BICD1: variants seen among roughly 807,000 people sequenced by gnomAD.
The protein encoded by BICD1 is protein bicaudal D homolog 1.
In BICD1, 35 loss-of-function variants were observed where a neutral mutation model predicts 92.5. That is an observed-to-expected ratio of 0.38 (90% CI 0.29 to 0.50). The LOEUF is 0.50. Ranked by LOEUF, BICD1 falls within the 20% of genes least tolerant of loss-of-function variation. The probability of loss-of-function intolerance (pLI) is 0.93; values close to 1 mark genes in which losing one functional copy is unlikely to be tolerated. For synonymous variants in BICD1, 429 were observed against 465.1 expected, an observed-to-expected ratio of 0.92 and a Z score of 1.00; for missense variants, 950 against 1,189.8, an observed-to-expected ratio of 0.80 and a Z score of 2.97.
intron 2 of BICD1, among the ~76,000 whole-genome samples, chr12:32,220,874 G>A (rs1279181323): frequency 7.3e-6 from 1 of 136,662 alleles, no homozygotes; most frequent in Non-Finnish European, 1.6e-5. Context: ...ACTGGATTAA[G>A]AAAATGTGGC....
chr12:32,356,690 T>C (rs983534165), intron 8 of BICD1, among the ~76,000 whole-genome samples: 4 of 152,150 alleles, frequency 2.6e-5, no homozygotes, highest in Admixed American at 6.6e-5. Flanking sequence ...AGAAGCATCA[T>C]TGGCAAATGC....
chr12:32,167,773 A>G (rs1046004581), intron 1 of BICD1, among the ~76,000 whole-genome samples: 1 of 152,138 alleles, frequency 6.6e-6, no homozygotes, highest in Non-Finnish European at 1.5e-5. Context: ...CTTATTTGAC[A>G]GGGATTTCCC....
At chr12:32,225,332 C>T (rs761960872) in intron 2 of BICD1, among the ~76,000 whole-genome samples, 2 of 152,068 alleles carry the variant, frequency 1.3e-5, no homozygotes, top group Non-Finnish European at 2.9e-5. Flanking sequence ...TGTATAGATA[C>T]ATTGTGGTTG....
chr12:32,296,818 C>A (rs1055273015), intron 3 of BICD1, among the ~76,000 whole-genome samples: 5 of 152,052 alleles, frequency 3.3e-5, no homozygotes, highest in Non-Finnish European at 7.4e-5. Flanking sequence ...GCCAAGGTAT[C>A]CCTTGAGTAT....
intron 2 of BICD1, among the ~76,000 whole-genome samples, chr12:32,244,972 T>G (rs1326454886): frequency 6.6e-6 from 1 of 152,102 alleles, no homozygotes; most frequent in East Asian, 1.9e-4. Context: ...AACCATATAA[T>G]ATGATGTTTT....
intron 1 of BICD1, among the ~76,000 whole-genome samples, chr12:32,209,446 T>G (rs557366897): frequency 6.6e-6 from 1 of 152,350 alleles, no homozygotes; most frequent in South Asian, 2.1e-4. Flanking sequence ...TCCTGGCAGC[T>G]GAGGCAACAG....
rs541478065 is a variant in BICD1 at position 32,381,125 on chromosome 12, A to G, written c.*3498A>G. 6.6e-6 allele frequency: 1 copy of G among 152,258 alleles called. No individual in the cohort carries two copies. Among genetic ancestry groups the G allele is most frequent in the East Asian group, 1.9e-4 (1 of 5,194 alleles). 9.4% of individuals were successfully genotyped at this position (152,258 alleles called of 1,614,324 possible). Reference sequence around the variant, plus strand: ...TACATTAAAATTTTACTGGTTAATCATAAAATATTTTATATTTGAAAATAG... The same window carrying G: ...TACATTAAAATTTTACTGGTTAATCGTAAAATATTTTATATTTGAAAATAG... On this transcript the variant is annotated 3_prime_UTR_variant, in exon 10 of 10. Coordinates refer to ENST00000652176, the MANE Select transcript of BICD1 (RefSeq NM_001714.4).
chr12:32,229,416 T>C (rs1426136560), intron 2 of BICD1, among the ~76,000 whole-genome samples: 1 of 151,820 alleles, frequency 6.6e-6, no homozygotes, highest in Non-Finnish European at 1.5e-5. Flanking sequence ...AAAAAGAAAC[T>C]GGTAAAGGAG....
At chr12:32,158,306 C>T (rs1245421224) in intron 1 of BICD1, among the ~76,000 whole-genome samples, 2 of 151,756 alleles carry the variant, frequency 1.3e-5, no homozygotes, top group Admixed American at 6.6e-5. Flanking sequence ...CAGGGTTTTG[C>T]CATGTTGGCC....
chr12:32,226,291 TG>T (rs1435062007), intron 2 of BICD1, among the ~76,000 whole-genome samples: 1 of 152,086 alleles, frequency 6.6e-6, no homozygotes, highest in Non-Finnish European at 1.5e-5. Context: ...CATGCCACCA[TG>T]CCTGGCTAAT....
chr12:32,135,520 C>T lies in BICD1; in HGVS notation c.213+27976C>T, dbSNP rs138515383. On this transcript the variant is annotated intron_variant, in intron 1 of 9. Coordinates refer to ENST00000652176, the MANE Select transcript of BICD1 (RefSeq NM_001714.4). Reference sequence around the variant, plus strand: ...GGTTTAAGTGATCCTTACATCTCAGCCTCCTGAGTACCTGGGACTACAGGT... The same window carrying T: ...GGTTTAAGTGATCCTTACATCTCAGTCTCCTGAGTACCTGGGACTACAGGT... Among the ~76,000 whole-genome samples the T allele has an allele frequency of 9.3e-5, 14 of 150,282 alleles. 1 individual carries two copies. Among genetic ancestry groups the T allele is most frequent in the African/African-American group, 2.0e-4 (8 of 40,884 alleles).
chr12:32,107,294 C>T lies in BICD1; in HGVS notation c.-38C>T, dbSNP rs763097392. 3.3e-6 allele frequency: 5 copies of T among 1,535,846 alleles called. No homozygotes were observed. Among genetic ancestry groups the T allele is most frequent in the Non-Finnish European group, 4.4e-6 (5 of 1,128,724 alleles). ...CCGCCAGCTTCGCATCCATCTCCCCCACCCCGTAACCCCCTCCTGCCTCCA... is the reference window on the plus strand; with the variant it reads ...CCGCCAGCTTCGCATCCATCTCCCCTACCCCGTAACCCCCTCCTGCCTCCA... On this transcript the variant is annotated 5_prime_UTR_variant, in exon 1 of 10. Transcript: ENST00000652176.
intron 2 of BICD1, among the ~76,000 whole-genome samples, chr12:32,292,119 G>A (rs532279023): frequency 2.0e-5 from 3 of 152,282 alleles, no homozygotes; most frequent in African/African-American, 7.2e-5. Context: ...CAGTTCTGGA[G>A]GCCAAAAGTC....
intron 1 of BICD1, among the ~76,000 whole-genome samples, chr12:32,147,928 T>C (rs2121413114): frequency 6.6e-6 from 1 of 151,962 alleles, no homozygotes; most frequent in Middle Eastern, 3.4e-3. Context: ...TGCTTGAGCC[T>C]AGGTGTTTGA....
At chr12:32,156,715 T>A (rs1943449485) in intron 1 of BICD1, among the ~76,000 whole-genome samples, 1 of 152,218 alleles carries the variant, frequency 6.6e-6, no homozygotes, top group African/African-American at 2.4e-5. Flanking sequence ...GGCATCCCTA[T>A]GCTTGGTATT....
chr12:32,108,856 T>C (rs1941590649), intron 1 of BICD1: 2 of 508,046 alleles, frequency 3.9e-6, no homozygotes, highest in East Asian at 3.0e-5. Context: ...TTACTTACCA[T>C]GTACCTGTCT....
chr12:32,161,984 G>C (rs777934563), intron 1 of BICD1, among the ~76,000 whole-genome samples: 1 of 152,152 alleles, frequency 6.6e-6, no homozygotes, highest in African/African-American at 2.4e-5. Context: ...ACTTTCGCAG[G>C]TTCCAGAACC....
intron 8 of BICD1, among the ~76,000 whole-genome samples, chr12:32,342,853 G>A (rs1938431991): frequency 6.6e-6 from 1 of 152,106 alleles, no homozygotes; most frequent in Non-Finnish European, 1.5e-5. Context: ...CTCCATTCTG[G>A]AGAATCAACT....
chr12:32,177,712 T>TAAATATATAAATATATATATTTATAA lies in BICD1; in HGVS notation c.214-38519_214-38518insATATTTATAAAAATATATAAATATAT, dbSNP rs1555142419. Among the ~76,000 whole-genome samples, 7 of 107,884 alleles carry TAAATATATAAATATATATATTTATAA rather than the reference T, an allele frequency of 6.5e-5. 1 individual carries two copies. The highest frequency in any genetic ancestry group is 1.4e-4 in the Non-Finnish European group (7 of 50,234). The allele number at this position is 107,884 out of a possible 152,430, so 70.8% of individuals were successfully genotyped here. A position where few individuals can be genotyped will look rare whatever the true frequency, so the allele number is the denominator to read the frequency against. ...TAAAGTTAAATGATTTAGTAGAGTATAAATATATAAATATATTTATATATT... is the reference window on the plus strand; with the variant it reads ...TAAAGTTAAATGATTTAGTAGAGTATAAATATATAAATATATATATTTATAAAAATATATAAATATATTTATATATT... On this transcript the variant is annotated intron_variant, in intron 1 of 9. Coordinates refer to ENST00000652176, the MANE Select transcript of BICD1 (RefSeq NM_001714.4).
Sources: gnomAD v4.1 joint callset for allele counts (sites outside exome capture counted in the v4.1 genomes callset) on GRCh38, gnomAD v4.1.1 for gene constraint, MANE v1.5 for transcripts, NCBI Gene and HGNC (gene_info 2026-07-23, HGNC 2026-07-21) for gene names.